PREX1: variants seen among roughly 807,000 people sequenced by gnomAD.
PREX1 encodes the protein phosphatidylinositol 3,4,5-trisphosphate-dependent Rac exchanger 1 protein.
PREX1 carries 41 observed loss-of-function variants against 198.3 expected under a neutral mutation model. That is an observed-to-expected ratio of 0.21 (90% CI 0.16 to 0.27). The LOEUF is 0.27. Among genes scored for constraint, PREX1 ranks in the 10% least tolerant of loss-of-function variants. The probability of loss-of-function intolerance (pLI) is 1.00; values close to 1 mark genes in which losing one functional copy is unlikely to be tolerated. For synonymous variants in PREX1, 843 were observed against 887.2 expected (o/e 0.95, Z 0.89); for missense variants, 1,620 against 2,200.7 (o/e 0.74, Z 5.28).
chr20:48,788,546 C>A (rs2090323383), intron 1 of PREX1, among the ~76,000 whole-genome samples: 7 of 152,200 alleles, frequency 4.6e-5, no homozygotes, highest in Admixed American at 4.6e-4. Context: ...GAAGCCAATT[C>A]TTTGTACGTT....
chr20:48,809,592 T>C (rs907090328), intron 1 of PREX1, among the ~76,000 whole-genome samples: 66 of 152,322 alleles, frequency 4.3e-4, no homozygotes, highest in African/African-American at 1.4e-3. Context: ...TCAGCAGTGG[T>C]AGCAATGCCA....
rs189992987 is a variant in PREX1, at chr20:48,694,711, G to A, written c.918-1921C>T. Among the ~76,000 whole-genome samples, 244 of 152,332 alleles carry A rather than the reference G, an allele frequency of 1.6e-3. 1 individual carries two copies. Among genetic ancestry groups the A allele is most frequent in the African/African-American group, 5.2e-3 (217 of 41,574 alleles). On this transcript the variant is annotated intron_variant, in intron 7 of 39. Transcript: ENST00000371941. ...CTGTAAGTGGGTAAATGAAATAGGA[G>A]ATAGGCTGAGGATTCAGGAACGTGG...
intron 5 of PREX1, among the ~76,000 whole-genome samples, chr20:48,715,176 G>A (rs932647862): frequency 6.6e-6 from 1 of 152,210 alleles, no homozygotes; most frequent in Admixed American, 6.5e-5. Context: ...GAACCCAAGA[G>A]GTGCTTGCTT....
intron 33 of PREX1, 104 bp from the exon 34 acceptor site, chr20:48,632,743 CA>C (rs2089325488): frequency 5.3e-6 from 7 of 1,320,112 alleles, no homozygotes; most frequent in South Asian, 5.2e-5. Flanking sequence ...CCCCCAGGTC[CA>C]GGGGGGCACC....
intron 1 of PREX1, among the ~76,000 whole-genome samples, chr20:48,798,488 G>C (rs6095299): frequency 0.12 from 18,815 of 152,136 alleles, 1,254 homozygotes; most frequent in Middle Eastern, 0.25. Flanking sequence ...CCTCTTCCTG[G>C]AAGGCCCTGC....
chr20:48,878,355 T>C, the PREX1 span, among the ~76,000 whole-genome samples: 1 of 152,202 alleles, frequency 6.6e-6, no homozygotes, highest in Non-Finnish European at 1.5e-5. Flanking sequence ...TTTCTTTTTT[T>C]TTGAGATGGA....
At chr20:48,714,284 C>T (rs866746464) in intron 5 of PREX1, among the ~76,000 whole-genome samples, 3 of 152,110 alleles carry the variant, frequency 2.0e-5, no homozygotes, top group East Asian at 1.9e-4. Context: ...ACTACCCCAA[C>T]GTGAAAGCCA....
chr20:48,696,977 T>TACACACACACACAC (rs11467059), intron 7 of PREX1, among the ~76,000 whole-genome samples: 272 of 148,708 alleles, frequency 1.8e-3, no homozygotes, highest in African/African-American at 3.7e-3. Context: ...TAAATCTCTT[T>TACACACACACACAC]ACACACACAC....
At chr20:48,708,042 A>G (rs2089911650) in intron 6 of PREX1, among the ~76,000 whole-genome samples, 2 of 152,234 alleles carry the variant, frequency 1.3e-5, no homozygotes, top group Admixed American at 6.5e-5. Flanking sequence ...TTTCCATGAG[A>G]TATAGGGGCC....
chr20:48,813,591 G>A (rs1056437019), intron 1 of PREX1, among the ~76,000 whole-genome samples: 1 of 152,208 alleles, frequency 6.6e-6, no homozygotes, highest in Non-Finnish European at 1.5e-5. Context: ...AAGGTTTGCA[G>A]GGGCATCCTG....
At chr20:48,805,155 G>C (rs1387850018) in intron 1 of PREX1, among the ~76,000 whole-genome samples, 1 of 152,222 alleles carries the variant, frequency 6.6e-6, no homozygotes, top group African/African-American at 2.4e-5. Context: ...ATGTGCCGGG[G>C]AGAAGAAACG....
chr20:48,788,049 T>A lies in PREX1; in HGVS notation c.219+39593A>T, dbSNP rs529146200. Among the ~76,000 whole-genome samples, 16 of 152,298 alleles carry A rather than the reference T, an allele frequency of 1.1e-4. No homozygotes were observed. In the South Asian group the frequency reaches 1.2e-3, roughly 12 times the overall value. On this transcript the variant is annotated intron_variant, in intron 1 of 39. Transcript: ENST00000371941. The stretch of plus-strand genomic sequence containing the variant: ...TTAACGCACCCAGGAATCAGCCACA[T>A]CCAGCCCTAGAGCGGGGGACCATGA...
intron 3 of PREX1, among the ~76,000 whole-genome samples, chr20:48,740,872 A>G (rs2090078402): frequency 6.6e-6 from 1 of 152,268 alleles, no homozygotes; most frequent in Non-Finnish European, 1.5e-5. Flanking sequence ...GTTTCTAGAT[A>G]GAATGCGGTA....
chr20:48,840,617 AG>A, the PREX1 span, among the ~76,000 whole-genome samples: 2 of 152,210 alleles, frequency 1.3e-5, no homozygotes, highest in African/African-American at 4.8e-5. Flanking sequence ...AGCTAGCCAA[AG>A]TCAGCATGGC....
intron 5 of PREX1, among the ~76,000 whole-genome samples, chr20:48,713,624 GC>G (rs986659689): frequency 2.3e-4 from 35 of 151,896 alleles, no homozygotes; most frequent in African/African-American, 7.2e-4. Flanking sequence ...TGTAGTTCCA[GC>G]TTTTGGAAGG....
rs768231557 is a variant in PREX1 at position 48,679,380 on chromosome 20, G to A, written c.1569C>T (p.Ser523=). The part of the protein sequence containing the change: ...KGVRLYCRLH[S]LYTPVIKDRD... The stretch of plus-strand genomic sequence containing the variant: ...CTTACTTGATCACCGGGGTGTAGAG[G>A]CTGTGAAGACGGCAGTAAAGCCTCA... Residue 523 remains serine (S), a synonymous_variant, in exon 13 of 40, where the codon AGC becomes AGT. Coordinates refer to ENST00000371941, the MANE Select transcript of PREX1 (RefSeq NM_020820.4). 1.9e-6 allele frequency: 3 copies of A among 1,613,556 alleles called. No homozygotes were observed. The highest frequency in any genetic ancestry group is 2.2e-5 in the East Asian group (1 of 44,878).
chr20:48,656,499 C>T (rs723291), intron 18 of PREX1: 44,458 of 456,688 alleles, frequency 0.097, 3,063 homozygotes, highest in Non-Finnish European at 0.15. Flanking sequence ...CATCAGCTTC[C>T]TTCTGCTCTT....
intron 1 of PREX1, among the ~76,000 whole-genome samples, chr20:48,801,649 T>C (rs1028073709): frequency 6.6e-6 from 1 of 152,202 alleles, no homozygotes. Context: ...CCCGGGGCTG[T>C]TGCAGTCACC....
chr20:48,720,444 T>C (rs754123703), intron 5 of PREX1, among the ~76,000 whole-genome samples: 1 of 151,946 alleles, frequency 6.6e-6, no homozygotes, highest in Non-Finnish European at 1.5e-5. Context: ...GCTCAATAAA[T>C]AGGTGGTGAA....
Sources: gnomAD v4.1 joint callset for allele counts (sites outside exome capture counted in the v4.1 genomes callset) on GRCh38, gnomAD v4.1.1 for gene constraint, MANE v1.5 for transcripts, NCBI Gene and HGNC (gene_info 2026-07-23, HGNC 2026-07-21) for gene names.